ARFGEF1: variants seen among roughly 807,000 people sequenced by gnomAD.
ARFGEF1 encodes the protein brefeldin A-inhibited guanine nucleotide-exchange protein 1.
Under a neutral mutation model 231.0 loss-of-function variants are expected in ARFGEF1, and 42 were observed. That is an observed-to-expected ratio of 0.18 (90% CI 0.14 to 0.24). The LOEUF (loss-of-function observed/expected upper bound fraction) is 0.24, where lower values mean the gene tolerates loss of function less well. Ranked by LOEUF, ARFGEF1 falls within the 10% of genes least tolerant of loss-of-function variation. ARFGEF1 has a pLI of 1.00. For missense variants in ARFGEF1, 1,345 were observed against 2,192.0 expected (o/e 0.61, Z 7.72); for synonymous variants, 710 against 732.3 (o/e 0.97, Z 0.49).
chr8:67,261,384 A>C (rs1804615284), intron 14 of ARFGEF1, among the ~76,000 whole-genome samples: 1 of 152,212 alleles, frequency 6.6e-6, no homozygotes, highest in African/African-American at 2.4e-5. Flanking sequence ...ACCATTCCAA[A>C]GATCCCAGGG....
At chr8:67,185,863 A>G (rs1405083470) in intron 5 of ARFGEF1, among the ~76,000 whole-genome samples, 2 of 152,362 alleles carry the variant, frequency 1.3e-5, no homozygotes, top group East Asian at 1.9e-4. Context: ...ACTCAAAAGC[A>G]TCATCAACAC....
chr8:67,269,445 C>A (rs1187740404), intron 10 of ARFGEF1, among the ~76,000 whole-genome samples: 2 of 151,376 alleles, frequency 1.3e-5, no homozygotes, highest in African/African-American at 2.4e-5. Context: ...CTCGGCCTCC[C>A]AGGTTCAAGC....
intron 25 of ARFGEF1, 139 bp from the exon 26 acceptor site, chr8:67,227,737 G>T: frequency 1.0e-6 from 1 of 955,694 alleles, no homozygotes; most frequent in Non-Finnish European, 1.5e-6. Flanking sequence ...CATTAAGTAT[G>T]CTAAAACTAT....
intron 1 of ARFGEF1, among the ~76,000 whole-genome samples, chr8:67,326,342 G>T (rs1280743653): frequency 6.6e-6 from 1 of 152,186 alleles, no homozygotes; most frequent in Non-Finnish European, 1.5e-5. Flanking sequence ...CTCTAGAAAG[G>T]ATGTAAACCG....
Position 67,257,795 on chromosome 8 carries a change from C to T in ARFGEF1, c.2463G>A (p.Ala821=), listed in dbSNP as rs112608791. The T allele has an allele frequency of 2.9e-4, 460 of 1,610,226 alleles. 4 individuals carry two copies. The East Asian group carries it at 4.4e-3, about 15-fold the overall frequency. The change falls in exon 17 of 39, where the codon GCG becomes GCA. Residue 821 remains alanine, a synonymous_variant. Coordinates refer to ENST00000262215, the MANE Select transcript of ARFGEF1 (RefSeq NM_006421.5). The part of the protein sequence containing the change: ...CNQGQTLFAS[A]DTAYVLAYSI... Reference sequence around the variant, plus strand: ...AATAAGCCAAAACATAAGCTGTATCCGCACTAGCAAAGAGAGTTTGTCTGG... The same window carrying T: ...AATAAGCCAAAACATAAGCTGTATCTGCACTAGCAAAGAGAGTTTGTCTGG...
At chr8:67,272,862 C>CT (rs1236006941) in intron 9 of ARFGEF1, among the ~76,000 whole-genome samples, 1 of 152,096 alleles carries the variant, frequency 6.6e-6, no homozygotes, top group African/African-American at 2.4e-5. Context: ...AATCCCAGCA[C>CT]TTTGAGAGGC....
chr8:67,195,458 T>A, downstream of ARFGEF1: 1 of 1,614,156 alleles, frequency 6.2e-7, no homozygotes. Flanking sequence ...CTGTAGCAAC[T>A]GAGCCCTGGC....
At chr8:67,227,632 A>C (rs1016894918) in intron 25 of ARFGEF1, 34 bp from the exon 26 acceptor site, 1 of 1,589,486 alleles carries the variant, frequency 6.3e-7, no homozygotes, top group Non-Finnish European at 8.6e-7. Flanking sequence ...GATGCTAATT[A>C]ATATCAGCAG....
At chr8:67,262,288 G>T (rs1804660612) in intron 14 of ARFGEF1, among the ~76,000 whole-genome samples, 1 of 152,122 alleles carries the variant, frequency 6.6e-6, no homozygotes, top group African/African-American at 2.4e-5. Context: ...CTGCAGATGT[G>T]GTAAAAGTAA....
At chr8:67,179,917 G>A (rs1288819804) in intron 5 of ARFGEF1, 2 of 1,549,866 alleles carry the variant, frequency 1.3e-6, no homozygotes, top group African/African-American at 1.4e-5. Flanking sequence ...ATCTGATAGT[G>A]CTTTTATTGG....
At chr8:67,307,987 A>G (rs182570841) in intron 1 of ARFGEF1, among the ~76,000 whole-genome samples, 102 of 152,304 alleles carry the variant, frequency 6.7e-4, no homozygotes, top group African/African-American at 2.3e-3. Context: ...TTGGAGCCCA[A>G]TGGCCCTGTT....
intron 17 of ARFGEF1, 36 bp downstream of exon 17, chr8:67,257,695 AC>A (rs1261891358): frequency 7.0e-7 from 1 of 1,431,272 alleles, no homozygotes; most frequent in East Asian, 2.3e-5. Flanking sequence ...CTTATTTTGT[AC>A]CGCTTATTGT....
intron 19 of ARFGEF1, among the ~76,000 whole-genome samples, chr8:67,245,759 CTG>C (rs1391330876): frequency 1.3e-5 from 2 of 150,078 alleles, no homozygotes; most frequent in Non-Finnish European, 3.0e-5. Flanking sequence ...AATAGTCACA[CTG>C]AATATACATA....
rs1838212413 is a variant in ARFGEF1 at position 67,199,000 on chromosome 8, C to T, written c.5484G>A (p.Leu1828=). Residue 1828 remains leucine (L), a synonymous_variant, in exon 39 of 39, where the codon CTG becomes CTA. Transcript: ENST00000262215. ...ELRAVLRRFF[L]RIGVVFQISQ... ...ATATCTGAAAAACTACTCCGATTCG[C>T]AGAAAAAATCTTCTAAGAACAGCAC... is the stretch of plus-strand genomic sequence containing the variant. The T allele has an allele frequency of 6.2e-7, 1 of 1,612,288 alleles. No homozygotes were observed. The highest frequency in any genetic ancestry group is 1.3e-5 in the African/African-American group (1 of 74,758).
At chr8:67,325,293 TATA>T (rs1025492049) in intron 1 of ARFGEF1, among the ~76,000 whole-genome samples, 8 of 151,968 alleles carry the variant, frequency 5.3e-5, no homozygotes, top group Non-Finnish European at 1.2e-4. Context: ...ATCAACAAAT[TATA>T]ATGAGTGCTT....
At chr8:67,335,794 T>C (rs1808319626) in intron 1 of ARFGEF1, among the ~76,000 whole-genome samples, 1 of 152,064 alleles carries the variant, frequency 6.6e-6, no homozygotes, top group Non-Finnish European at 1.5e-5. Flanking sequence ...TCTCTCGGGC[T>C]GGAGTGCAGT....
At chr8:67,296,944 AC>A (rs1806262397) in intron 4 of ARFGEF1, among the ~76,000 whole-genome samples, 1 of 152,050 alleles carries the variant, frequency 6.6e-6, no homozygotes, top group Non-Finnish European at 1.5e-5. Flanking sequence ...GAGCCACCAC[AC>A]CCAGCCTTAA....
chr8:67,341,616 A>C (rs1001690331), intron 1 of ARFGEF1, among the ~76,000 whole-genome samples: 6 of 152,130 alleles, frequency 3.9e-5, no homozygotes, highest in Admixed American at 3.3e-4. Context: ...ACAAAAATTT[A>C]AAACTTTAAT....
Position 67,296,682 on chromosome 8 carries a change from G to A in ARFGEF1, c.460-72C>T, listed in dbSNP as rs192295458. ...TTTTTTTTTGGAGACAGTCTTTCTCGCTCTGTCACCCAGGCTGGAGTGCAG... is the reference window on the plus strand; with the variant it reads ...TTTTTTTTTGGAGACAGTCTTTCTCACTCTGTCACCCAGGCTGGAGTGCAG... On this transcript the variant is annotated intron_variant, in intron 4 of 38. Coordinates refer to ENST00000262215, the MANE Select transcript of ARFGEF1 (RefSeq NM_006421.5). 1,910 of 1,255,202 alleles carry A rather than the reference G, an allele frequency of 1.5e-3. 55 individuals carry two copies. In the Admixed American group the frequency reaches 0.042, roughly 28 times the overall value. The allele number at this position is 1,255,202 out of a possible 1,614,324, so 77.8% of individuals were successfully genotyped here.
Sources: allele counts gnomAD v4.1 joint callset (sites outside exome capture counted in the v4.1 genomes callset), GRCh38; gene constraint gnomAD v4.1.1; transcripts MANE v1.5; gene names NCBI Gene and HGNC (gene_info 2026-07-23, HGNC 2026-07-21).